Variants in STK24 observed in about 807,000 individuals in gnomAD.
STK24 encodes the protein serine/threonine kinase 24.
A neutral mutation model predicts 55.6 loss-of-function variants in STK24; 21 were observed. That is an observed-to-expected ratio of 0.38 (90% CI 0.27 to 0.54). STK24 has a LOEUF of 0.54. Among genes scored for constraint, STK24 ranks in the 20% least tolerant of loss-of-function variants. The pLI is 0.79. For missense variants in STK24, 383 were observed against 538.4 expected (o/e 0.71, Z 2.86); for synonymous variants, 200 against 215.2 (o/e 0.93, Z 0.62).
rs182429854 is a variant in STK24 at position 98,471,153 on chromosome 13, G to A, written c.597+3668C>T. On this transcript the variant is annotated intron_variant, in intron 5 of 10. Transcript: ENST00000539966. ...AATTCCTGAGCCGTAGGCAGGAGCAGGGAGTCCATGGGCTCAGTGACCAGT... is the reference window on the plus strand; with the variant it reads ...AATTCCTGAGCCGTAGGCAGGAGCAAGGAGTCCATGGGCTCAGTGACCAGT... Among the ~76,000 whole-genome samples the A allele has an allele frequency of 7.2e-5, 11 of 152,328 alleles. No individual in the cohort carries two copies. The East Asian group carries it at 1.9e-3, about 27-fold the overall frequency.
chr13:98,460,025 A>G (rs1893634567), intron 9 of STK24, among the ~76,000 whole-genome samples: 1 of 152,212 alleles, frequency 6.6e-6, no homozygotes, highest in Admixed American at 6.5e-5. Context: ...TCCTTAGAAG[A>G]AAGAATCTAC....
At chr13:98,571,617 C>T (rs1897741752) in intron 1 of STK24, among the ~76,000 whole-genome samples, 1 of 152,116 alleles carries the variant, frequency 6.6e-6, no homozygotes, top group South Asian at 2.1e-4. Context: ...TTTTGGAACA[C>T]GGAGTATTCA....
chr13:98,525,625 G>A (rs113531398), intron 1 of STK24, among the ~76,000 whole-genome samples: 2,446 of 152,300 alleles, frequency 0.016, 90 homozygotes, highest in African/African-American at 0.055. Flanking sequence ...GTATAGGCAG[G>A]AGGATCGGCT....
intron 1 of STK24, among the ~76,000 whole-genome samples, chr13:98,548,849 G>A (rs1334939614): frequency 3.3e-5 from 4 of 119,988 alleles, no homozygotes; most frequent in African/African-American, 1.0e-4. Context: ...GCGACAGAGT[G>A]AGACTCTGTC....
chr13:98,541,624 T>G (rs1290674338), intron 1 of STK24, among the ~76,000 whole-genome samples: 6 of 152,208 alleles, frequency 3.9e-5, no homozygotes, highest in Non-Finnish European at 8.8e-5. Flanking sequence ...ATGTAATAAA[T>G]GTACCAGATG....
At chr13:98,549,508 C>T (rs985898803) in intron 1 of STK24, among the ~76,000 whole-genome samples, 5 of 152,150 alleles carry the variant, frequency 3.3e-5, no homozygotes, top group Admixed American at 2.0e-4. Context: ...GTGGATCCCT[C>T]GCGGCTTGGT....
intron 1 of STK24, among the ~76,000 whole-genome samples, chr13:98,574,213 A>G (rs753294496): frequency 1.3e-5 from 2 of 152,164 alleles, no homozygotes; most frequent in Non-Finnish European, 2.9e-5. Context: ...GGGTTTCACC[A>G]TGTTAGCCAG....
intron 3 of STK24, among the ~76,000 whole-genome samples, chr13:98,479,750 T>A (rs1894515661): frequency 1.3e-5 from 2 of 151,948 alleles, no homozygotes; most frequent in Admixed American, 1.3e-4. Context: ...GGGGGCCCGG[T>A]GCTGTGGATG....
chr13:98,525,059 C>T (rs1896384490), intron 1 of STK24, among the ~76,000 whole-genome samples: 1 of 152,254 alleles, frequency 6.6e-6, no homozygotes, highest in Non-Finnish European at 1.5e-5. Flanking sequence ...GCGGGCAGCC[C>T]TGCCCTTTGG....
chr13:98,534,665 C>A (rs1896663925), intron 1 of STK24, among the ~76,000 whole-genome samples: 1 of 152,194 alleles, frequency 6.6e-6, no homozygotes, highest in Non-Finnish European at 1.5e-5. Flanking sequence ...TTCTGATGCA[C>A]CAGCTAGTGC....
At chr13:98,566,323 G>A (rs1897568838) in intron 1 of STK24, among the ~76,000 whole-genome samples, 1 of 152,224 alleles carries the variant, frequency 6.6e-6, no homozygotes, top group South Asian at 2.1e-4. Context: ...GGAGGCTGGA[G>A]GGACAATGTG....
intron 1 of STK24, among the ~76,000 whole-genome samples, chr13:98,566,681 T>C (rs1016825499): frequency 2.6e-5 from 4 of 152,140 alleles, no homozygotes; most frequent in African/African-American, 9.7e-5. Context: ...CTGACATAAA[T>C]CCAGCCATGC....
rs10641055 is a variant in STK24, at chr13:98,511,901, A to ATTTTT, written c.273+7337_273+7341dup. ...ACATCCAAGAGTGAGTTTTACAGTA[A>ATTTTT]TTTTTTTTTTTTTTTTTGAGACAGA... On this transcript the variant is annotated intron_variant, in intron 2 of 10. Transcript: ENST00000539966. Among the ~76,000 whole-genome samples the ATTTTT allele has an allele frequency of 4.4e-3, 625 of 141,204 alleles. 8 individuals carry two copies. The highest frequency in any genetic ancestry group is 0.015 in the African/African-American group (579 of 37,738). 92.6% of individuals were successfully genotyped at this position (141,204 alleles called of 152,430 possible). A position where few individuals can be genotyped will look rare whatever the true frequency, so the allele number is the denominator to read the frequency against.
intron 1 of STK24, among the ~76,000 whole-genome samples, chr13:98,565,845 C>G (rs1897553377): frequency 6.6e-6 from 1 of 152,188 alleles, no homozygotes; most frequent in African/African-American, 2.4e-5. Context: ...CAAGTCACCG[C>G]CCCCCACACC....
intron 1 of STK24, among the ~76,000 whole-genome samples, chr13:98,544,659 A>T (rs1338154788): frequency 6.6e-6 from 1 of 152,238 alleles, no homozygotes; most frequent in Non-Finnish European, 1.5e-5. Flanking sequence ...ATCCACACCG[A>T]GGCATGCGGA....
At chr13:98,466,667 A>G in intron 5 of STK24, 106 bp from the exon 6 acceptor site, 1 of 1,277,592 alleles carries the variant, frequency 7.8e-7, no homozygotes, top group Non-Finnish European at 1.1e-6. Flanking sequence ...GAGGTTTTGA[A>G]AAAGGTATTT....
intron 5 of STK24, among the ~76,000 whole-genome samples, chr13:98,467,307 G>A (rs1245572113): frequency 1.3e-5 from 2 of 152,038 alleles, no homozygotes; most frequent in South Asian, 2.1e-4. Context: ...ATTTTCCCCC[G>A]AGTATTTCCG....
chr13:98,537,426 C>T (rs1300415832), intron 1 of STK24, among the ~76,000 whole-genome samples: 2 of 152,222 alleles, frequency 1.3e-5, no homozygotes, highest in African/African-American at 4.8e-5. Context: ...GACCTCAACC[C>T]CATCAGCTGA....
chr13:98,510,833 G>A (rs916304665), intron 2 of STK24, among the ~76,000 whole-genome samples: 5 of 152,178 alleles, frequency 3.3e-5, no homozygotes, highest in Admixed American at 3.3e-4. Context: ...TGGCTGCACC[G>A]CTCTGTGATA....
Sources: gnomAD v4.1 joint callset for allele counts (sites outside exome capture counted in the v4.1 genomes callset) on GRCh38, gnomAD v4.1.1 for gene constraint, MANE v1.5 for transcripts, NCBI Gene and HGNC (gene_info 2026-07-23, HGNC 2026-07-21) for gene names.